SMAD3: variants seen among roughly 807,000 people sequenced by gnomAD.
SMAD3 encodes SMAD family member 3.
SMAD3 carries 12 observed loss-of-function variants against 51.8 expected under a neutral mutation model. That is an observed-to-expected ratio of 0.23 (90% CI 0.15 to 0.38). The LOEUF (loss-of-function observed/expected upper bound fraction) is 0.38. SMAD3 is among the 10% of genes least tolerant of loss of function. The pLI, the probability that SMAD3 is intolerant of heterozygous loss-of-function variation, is 1.00. For missense variants in SMAD3, 294 were observed against 565.6 expected (o/e 0.52, Z 4.87); for synonymous variants, 238 against 227.7 (o/e 1.05, Z -0.41).
intron 1 of SMAD3, chr15:67,098,839 T>C (rs1479195633): frequency 2.9e-6 from 2 of 699,938 alleles, no homozygotes; most frequent in South Asian, 1.5e-5. Flanking sequence ...GTTGCTCAGC[T>C]GGGGGATTTG....
In SMAD3 at chr15:67,190,921, A is replaced by C; in HGVS notation, c.*385A>C. On this transcript the variant is annotated 3_prime_UTR_variant, in exon 9 of 9. Transcript: ENST00000327367. ...CCCTCTGTCTAGGACTGCAGTGTGG[A>C]GTTCACCTTGGAAGGGCGTTCTAGG... is the stretch of plus-strand genomic sequence containing the variant. The C allele has an allele frequency of 3.2e-6, 1 of 316,460 alleles. No homozygotes were observed. Among genetic ancestry groups the C allele is most frequent in the South Asian group, 6.3e-5 (1 of 15,858 alleles). 19.6% of individuals were successfully genotyped at this position (316,460 alleles called of 1,614,324 possible).
chr15:67,088,437 G>T (rs891049055), intron 1 of SMAD3, among the ~76,000 whole-genome samples: 2 of 152,208 alleles, frequency 1.3e-5, no homozygotes, highest in Non-Finnish European at 2.9e-5. Flanking sequence ...ACGTGGAAGC[G>T]GGGGAGGCAG....
intron 1 of SMAD3, among the ~76,000 whole-genome samples, chr15:67,093,394 C>T (rs1189136555): frequency 6.6e-6 from 1 of 152,204 alleles, no homozygotes; most frequent in East Asian, 1.9e-4. Context: ...GCCTCTCATT[C>T]CACTGCCAGT....
chr15:67,167,818 G>T (rs909082133), intron 4 of SMAD3, among the ~76,000 whole-genome samples: 2 of 152,150 alleles, frequency 1.3e-5, no homozygotes, highest in African/African-American at 2.4e-5. Context: ...TGTGTGGTTG[G>T]GAGAGGAGGA....
rs892337846 is a variant in SMAD3, at chr15:67,190,899, T to C, written c.*363T>C. On this transcript the variant is annotated 3_prime_UTR_variant, in exon 9 of 9. Coordinates refer to ENST00000327367, the MANE Select transcript of SMAD3 (RefSeq NM_005902.4). The stretch of plus-strand genomic sequence containing the variant: ...GTCACAGTCCAACCAGAAACACCCC[T>C]CTGTCTAGGACTGCAGTGTGGAGTT... 8 of 403,056 alleles carry C rather than the reference T, an allele frequency of 2.0e-5. No homozygotes were observed. The highest frequency in any genetic ancestry group is 1.2e-4 in the East Asian group (3 of 24,636). 25.0% of individuals were successfully genotyped at this position (403,056 alleles called of 1,614,324 possible). A position where few individuals can be genotyped will look rare whatever the true frequency, so the allele number is the denominator to read the frequency against.
At chr15:67,088,724 C>T (rs1307702368) in intron 1 of SMAD3, among the ~76,000 whole-genome samples, 5 of 152,080 alleles carry the variant, frequency 3.3e-5, no homozygotes, top group African/African-American at 1.2e-4. Flanking sequence ...GTCAGGAGTT[C>T]GAGACCAGCC....
chr15:67,119,984 G>A (rs933930635), intron 1 of SMAD3, among the ~76,000 whole-genome samples: 1 of 152,126 alleles, frequency 6.6e-6, no homozygotes, highest in Non-Finnish European at 1.5e-5. Flanking sequence ...TTTTGTGGAG[G>A]TGGGGTTTCA....
intron 1 of SMAD3, among the ~76,000 whole-genome samples, chr15:67,115,888 C>G (rs946125294): frequency 6.6e-6 from 1 of 152,038 alleles, no homozygotes; most frequent in Non-Finnish European, 1.5e-5. Context: ...GAAGGTTCCC[C>G]CAAGGAAAAG....
intron 1 of SMAD3, among the ~76,000 whole-genome samples, chr15:67,163,212 G>T (rs975656878): frequency 2.7e-4 from 41 of 152,072 alleles, no homozygotes; most frequent in African/African-American, 9.4e-4. Flanking sequence ...GGCCTCAAGC[G>T]ATCCACCCGC....
At chr15:67,189,083 A>G (rs1237196472) in intron 8 of SMAD3, among the ~76,000 whole-genome samples, 1 of 152,226 alleles carries the variant, frequency 6.6e-6, no homozygotes, top group East Asian at 1.9e-4. Context: ...GTTTTAAGCA[A>G]TCTTTTAGCC....
intron 1 of SMAD3, among the ~76,000 whole-genome samples, chr15:67,075,972 C>T (rs750631677): frequency 5.3e-5 from 8 of 151,866 alleles, no homozygotes; most frequent in Non-Finnish European, 1.2e-4. Flanking sequence ...TTGCCAGTAT[C>T]GATCATAATA....
chr15:67,187,294 C>A, intron 7 of SMAD3, 71 bp from the exon 8 acceptor site: 1 of 1,594,106 alleles, frequency 6.3e-7, no homozygotes, highest in Non-Finnish European at 8.6e-7. Context: ...CCAGGACTTG[C>A]TTTATCCAGG....
rs1318391697 is a variant in SMAD3 at position 67,066,346 on chromosome 15, C to T, written c.192C>T (p.Cys64=). 1 of 1,612,878 alleles carries T rather than the reference C, an allele frequency of 6.2e-7. No individual in the cohort carries two copies. Among genetic ancestry groups the T allele is most frequent in the African/African-American group, 1.3e-5 (1 of 74,846 alleles). ...AITTQNVNTK[C]ITIPRSLDGR... is the part of the protein sequence containing the mutation. ...CCACGCAGAACGTCAACACCAAGTG[C>T]ATCACCATCCCCAGGTGGGGGCCCG... is the stretch of plus-strand genomic sequence containing the variant. Residue 64 remains cysteine (C), a synonymous_variant, in exon 1 of 9, where the codon TGC becomes TGT. Transcript: ENST00000327367.
chr15:67,118,675 T>G (rs1961189787), intron 1 of SMAD3, among the ~76,000 whole-genome samples: 1 of 152,180 alleles, frequency 6.6e-6, no homozygotes, highest in Non-Finnish European at 1.5e-5. Flanking sequence ...GGCTTCACAG[T>G]CTCTCAATGT....
At chr15:67,135,081 G>T (rs1391667094) in intron 1 of SMAD3, among the ~76,000 whole-genome samples, 2 of 152,178 alleles carry the variant, frequency 1.3e-5, no homozygotes, top group Non-Finnish European at 2.9e-5. Flanking sequence ...GCAGGTGCTA[G>T]GGACAGAGCT....
At chr15:67,099,904 G>A (rs768631355) in intron 1 of SMAD3, among the ~76,000 whole-genome samples, 13 of 152,152 alleles carry the variant, frequency 8.5e-5, no homozygotes, top group East Asian at 1.9e-4. Flanking sequence ...GTACGTGGCC[G>A]GGCGCAGTGG....
intron 1 of SMAD3, among the ~76,000 whole-genome samples, chr15:67,101,369 A>G (rs557739997): frequency 1.3e-5 from 2 of 152,304 alleles, no homozygotes; most frequent in African/African-American, 4.8e-5. Flanking sequence ...GCTTATAGTA[A>G]TATTTACGTA....
chr15:67,177,679 T>C (rs1001039815), intron 5 of SMAD3, among the ~76,000 whole-genome samples: 1 of 151,976 alleles, frequency 6.6e-6, no homozygotes, highest in Non-Finnish European at 1.5e-5. Flanking sequence ...TGCCTTGGCC[T>C]CCCAAAGTGC....
chr15:67,087,681 G>A (rs747434869), intron 1 of SMAD3, among the ~76,000 whole-genome samples: 1 of 152,200 alleles, frequency 6.6e-6, no homozygotes, highest in African/African-American at 2.4e-5. Context: ...CACTAGCTGA[G>A]TGTAATCAGG....
Sources: allele counts gnomAD v4.1 joint callset (sites outside exome capture counted in the v4.1 genomes callset), GRCh38; gene constraint gnomAD v4.1.1; transcripts MANE v1.5; gene names NCBI Gene and HGNC (gene_info 2026-07-23, HGNC 2026-07-21).